RPH3A: variants seen among roughly 807,000 people sequenced by gnomAD.
RPH3A encodes rabphilin-3A.
A neutral mutation model predicts 102.2 loss-of-function variants in RPH3A; 48 were observed. The ratio of observed to expected loss-of-function variants is 0.47; its 90% CI spans 0.37 to 0.60. The LOEUF is 0.60. Ranked by LOEUF, RPH3A falls within the 20% of genes least tolerant of loss-of-function variation. The pLI, the probability that RPH3A is intolerant of heterozygous loss-of-function variation, is 0.00. For missense variants in RPH3A, 781 were observed against 910.1 expected (o/e 0.86, Z 1.83); for synonymous variants, 310 against 324.3 (o/e 0.96, Z 0.47).
chr12:112,706,790 T>G (rs896084336), intron 1 of RPH3A, among the ~76,000 whole-genome samples: 2 of 152,188 alleles, frequency 1.3e-5, no homozygotes, highest in Non-Finnish European at 2.9e-5. Flanking sequence ...GAGATAGGGT[T>G]TGGAGTCTGG....
intron 1 of RPH3A, among the ~76,000 whole-genome samples, chr12:112,737,490 C>G (rs932102042): frequency 6.6e-6 from 1 of 152,104 alleles, no homozygotes; most frequent in Admixed American, 6.5e-5. Context: ...TGATAGCTCC[C>G]AAATGGATCT....
At position 112,797,129 on chromosome 12, in the gene RPH3A, A is replaced by G. The variant is rs190478604; in HGVS notation, c.-19+4866A>G. Among the ~76,000 whole-genome samples, 571 of 152,274 alleles carry G rather than the reference A, an allele frequency of 3.7e-3. 3 individuals are homozygous for G. Among genetic ancestry groups the G allele is most frequent in the Non-Finnish European group, 6.8e-3 (464 of 68,016 alleles). On this transcript the variant is annotated intron_variant, in intron 2 of 21. Coordinates refer to ENST00000389385, the MANE Select transcript of RPH3A (RefSeq NM_001143854.2). ...GATCTTTGGTGGGGGGCTGTGGTAC[A>G]AAGAGGGCTCCCCGAGTCACCCAAA...
chr12:112,895,959 GTCATTGCTAT>G, intron 21 of RPH3A, 86 bp downstream of exon 21: 2 of 891,568 alleles, frequency 2.2e-6, no homozygotes, highest in South Asian at 2.9e-5. Flanking sequence ...GAGAGTTGAG[GTCATTGCTAT>G]TCTTTTGGCA....
intron 1 of RPH3A, among the ~76,000 whole-genome samples, chr12:112,737,823 T>A (rs1256506953): frequency 6.6e-6 from 1 of 152,202 alleles, no homozygotes; most frequent in Non-Finnish European, 1.5e-5. Flanking sequence ...CTACTAAAAG[T>A]GTTGTCCATG....
intron 1 of RPH3A, among the ~76,000 whole-genome samples, chr12:112,620,987 T>G (rs2039717838): frequency 6.6e-6 from 1 of 151,966 alleles, no homozygotes; most frequent in Non-Finnish European, 1.5e-5. Flanking sequence ...TTCCCACATA[T>G]CTTCCTATTT....
chr12:112,859,896 G>A (rs926712145), intron 5 of RPH3A, among the ~76,000 whole-genome samples: 2 of 152,196 alleles, frequency 1.3e-5, no homozygotes, highest in African/African-American at 4.8e-5. Flanking sequence ...AGGACTTCAT[G>A]CTTAAATTCT....
In RPH3A at chr12:112,662,324, A is replaced by G. The variant is rs1018679815; in HGVS notation, c.-140+87005A>G. On this transcript the variant is annotated intron_variant, in intron 1 of 21. Coordinates refer to the RPH3A transcript ENST00000543106. ...TCCAAAGAAACACAATGCTGGACAA[A>G]GAAGTTTTAGCATGAGATACATTTA... Among the ~76,000 whole-genome samples, 3 of 152,196 alleles carry G rather than the reference A, an allele frequency of 2.0e-5. No homozygotes were observed. The South Asian group carries it at 6.2e-4, about 31-fold the overall frequency.
intron 1 of RPH3A, among the ~76,000 whole-genome samples, chr12:112,635,439 C>T (rs911958385): frequency 6.6e-6 from 1 of 152,166 alleles, no homozygotes; most frequent in African/African-American, 2.4e-5. Context: ...GATGATAATT[C>T]TAACTCATAG....
chr12:112,652,988 G>T (rs536468121), intron 1 of RPH3A, among the ~76,000 whole-genome samples: 2 of 152,236 alleles, frequency 1.3e-5, no homozygotes, highest in Non-Finnish European at 1.5e-5. Flanking sequence ...CTGCAAATCC[G>T]TACAGCATGT....
intron 5 of RPH3A, among the ~76,000 whole-genome samples, chr12:112,854,714 C>G (rs940597620): frequency 1.3e-5 from 2 of 152,234 alleles, no homozygotes; most frequent in South Asian, 4.1e-4. Flanking sequence ...GAGAGACAGA[C>G]AAGCATCTCT....
chr12:112,780,250 A>G (rs2040998505), intron 1 of RPH3A, among the ~76,000 whole-genome samples: 1 of 152,042 alleles, frequency 6.6e-6, no homozygotes, highest in Non-Finnish European at 1.5e-5. Context: ...TGTTACATGG[A>G]TGTATTGCAT....
chr12:112,849,638 T>C lies in RPH3A; in HGVS notation c.230+1796T>C, dbSNP rs73427078. ...TACGTCTCTCCCCATTAGATTAAGA[T>C]TCCTAAGGGTAGGTATTTTTGCCGG... On this transcript the variant is annotated intron_variant, in intron 5 of 21. Transcript: ENST00000389385. 4.2e-3 allele frequency among the ~76,000 whole-genome samples: 637 copies of C among 152,360 alleles called. 4 individuals are homozygous for C. The highest frequency in any genetic ancestry group is 0.015 in the African/African-American group (628 of 41,586).
intron 1 of RPH3A, among the ~76,000 whole-genome samples, chr12:112,695,879 T>C (rs2040347936): frequency 6.6e-6 from 1 of 152,200 alleles, no homozygotes; most frequent in South Asian, 2.1e-4. Context: ...GTACAGGTGG[T>C]TTTTGGTTAC....
intron 1 of RPH3A, among the ~76,000 whole-genome samples, chr12:112,724,427 C>T (rs771086624): frequency 1.3e-5 from 2 of 151,904 alleles, no homozygotes; most frequent in Non-Finnish European, 2.9e-5. Context: ...TGCAGATCTC[C>T]AAAAAATTTT....
chr12:112,589,776 A>G (rs149537788), intron 1 of RPH3A, among the ~76,000 whole-genome samples: 3 of 152,294 alleles, frequency 2.0e-5, no homozygotes, highest in Non-Finnish European at 4.4e-5. Context: ...GAAGATGCAT[A>G]ATAAACATTT....
rs144373432 is a variant in RPH3A at position 112,716,154 on chromosome 12, C to T, written c.-139-75989C>T. Among the ~76,000 whole-genome samples the T allele has an allele frequency of 1.7e-3, 255 of 152,270 alleles. 1 individual carries two copies. Among genetic ancestry groups the T allele is most frequent in the African/African-American group, 5.5e-3 (227 of 41,538 alleles). On this transcript the variant is annotated intron_variant, in intron 1 of 21. Transcript: ENST00000543106. ...GGTAGGTTTTGGCCGCCTCCCTTAC[C>T]GCGTGCAGTTTTATCAGCAAGGTCT...
chr12:112,863,673 A>T (rs1425454992), intron 5 of RPH3A, among the ~76,000 whole-genome samples: 1 of 152,236 alleles, frequency 6.6e-6, no homozygotes, highest in East Asian at 1.9e-4. Flanking sequence ...TGGGTAAGTC[A>T]TTTAACTTCC....
At chr12:112,838,747 C>T (rs2136173302) in intron 4 of RPH3A, among the ~76,000 whole-genome samples, 1 of 152,266 alleles carries the variant, frequency 6.6e-6, no homozygotes, top group African/African-American at 2.4e-5. Flanking sequence ...TGTGTGCATG[C>T]AATGAAGAAT....
At chr12:112,582,721 C>A (rs1353389023) in intron 1 of RPH3A, among the ~76,000 whole-genome samples, 1 of 151,490 alleles carries the variant, frequency 6.6e-6, no homozygotes, top group Non-Finnish European at 1.5e-5. Flanking sequence ...CTTGGCTTCC[C>A]AAAGTGCTGG....
Sources: allele counts gnomAD v4.1 joint callset (sites outside exome capture counted in the v4.1 genomes callset), GRCh38; gene constraint gnomAD v4.1.1; transcripts MANE v1.5; gene names NCBI Gene and HGNC (gene_info 2026-07-23, HGNC 2026-07-21).